The following ST18 variants were observed in gnomAD, a reference collection of about 807,000 sequenced individuals.
The protein encoded by ST18 is ST18 C2H2C-type zinc finger transcription factor.
A neutral mutation model predicts 110.0 loss-of-function variants in ST18; 50 were observed. The ratio of observed to expected loss-of-function variants is 0.45; its 90% CI spans 0.36 to 0.58. The LOEUF (loss-of-function observed/expected upper bound fraction) is 0.58, where lower values mean the gene tolerates loss of function less well. ST18 is among the 20% of genes least tolerant of loss of function. ST18 has a pLI of 0.00. For missense variants in ST18, 1,306 were observed against 1,280.1 expected (o/e 1.02, Z -0.31); for synonymous variants, 461 against 452.4 (o/e 1.02, Z -0.24).
At chr8:52,183,343 A>T (rs1388465153) in intron 8 of ST18, among the ~76,000 whole-genome samples, 1 of 152,228 alleles carries the variant, frequency 6.6e-6, no homozygotes, top group Non-Finnish European at 1.5e-5. Context: ...CAAAATGTCC[A>T]TAGCCTGGGG....
chr8:52,362,274 G>C (rs1346721705), intron 2 of ST18, among the ~76,000 whole-genome samples: 1 of 152,100 alleles, frequency 6.6e-6, no homozygotes, highest in Non-Finnish European at 1.5e-5. Context: ...AATAATGTAA[G>C]CTACCATATT....
chr8:52,161,380 G>A lies in ST18; in HGVS notation c.1589C>T (p.Pro530Leu). Residue 530 changes from proline (P) to leucine (L), a missense_variant, in exon 14 of 26, where the codon CCT becomes CTT. Transcript: ENST00000689386. ...TVQGRKTPPF[P>L]ESKHFPNPVK... is the part of the protein sequence containing the mutation. ...CATTAGAGCTCAAAGCTTACATTCAGGAAATGGTGGTGTTTTTCGTCCTTG... is the reference window on the plus strand; with the variant it reads ...CATTAGAGCTCAAAGCTTACATTCAAGAAATGGTGGTGTTTTTCGTCCTTG... 6.2e-7 allele frequency: 1 copy of A among 1,613,534 alleles called. No homozygotes were observed. The highest frequency in any genetic ancestry group is 8.5e-7 in the Non-Finnish European group (1 of 1,179,614).
At chr8:52,234,901 G>A (rs2092380778) in intron 2 of ST18, among the ~76,000 whole-genome samples, 1 of 152,078 alleles carries the variant, frequency 6.6e-6, no homozygotes, top group South Asian at 2.1e-4. Context: ...ACATGTAAGT[G>A]GGAGCTAAGG....
At chr8:52,152,392 C>T (rs2059034426) in intron 15 of ST18, among the ~76,000 whole-genome samples, 1 of 152,166 alleles carries the variant, frequency 6.6e-6, no homozygotes, top group African/African-American at 2.4e-5. Context: ...GCATCCCCCA[C>T]CCCCTCAATC....
intron 2 of ST18, among the ~76,000 whole-genome samples, chr8:52,400,891 A>T (rs1436044406): frequency 1.3e-5 from 2 of 152,140 alleles, no homozygotes; most frequent in South Asian, 2.1e-4. Context: ...TCTGAATTTG[A>T]CAATAAATGT....
chr8:52,303,393 T>C (rs2095760805), intron 2 of ST18, among the ~76,000 whole-genome samples: 1 of 152,278 alleles, frequency 6.6e-6, no homozygotes, highest in Non-Finnish European at 1.5e-5. Flanking sequence ...AGTTATTGGA[T>C]TTAAGATCAC....
chr8:52,394,846 T>C (rs537506339), intron 2 of ST18, among the ~76,000 whole-genome samples: 6 of 152,204 alleles, frequency 3.9e-5, no homozygotes, highest in Non-Finnish European at 7.3e-5. Context: ...AATTTTACCT[T>C]TTTCAAAACC....
At chr8:52,300,820 C>A (rs996276141) in intron 2 of ST18, among the ~76,000 whole-genome samples, 10 of 152,054 alleles carry the variant, frequency 6.6e-5, no homozygotes, top group Non-Finnish European at 1.0e-4. Flanking sequence ...TACTCCTGGC[C>A]CTTTACAGAA....
chr8:52,245,401 T>C (rs1046701729), intron 2 of ST18, among the ~76,000 whole-genome samples: 1 of 152,158 alleles, frequency 6.6e-6, no homozygotes, highest in South Asian at 2.1e-4. Flanking sequence ...CAAACATGAA[T>C]TCACTCATAT....
intron 2 of ST18, among the ~76,000 whole-genome samples, chr8:52,342,463 T>C (rs549420622): frequency 6.6e-6 from 1 of 152,344 alleles, no homozygotes; most frequent in South Asian, 2.1e-4. Context: ...CAACAAACAT[T>C]ATGGTTTATG....
intron 7 of ST18, among the ~76,000 whole-genome samples, chr8:52,213,030 A>G (rs1271585703): frequency 6.6e-6 from 1 of 152,224 alleles, no homozygotes; most frequent in East Asian, 1.9e-4. Context: ...TATCCTATTG[A>G]GAAGTTTGCT....
In ST18 at chr8:52,131,864, A is replaced by G. The variant is rs1409039296; in HGVS notation, c.2666+94T>C. Reference sequence around the variant, plus strand: ...GACATCTCAACTGCTACAGTGAACAACCTTTAGGGGGTTGTTCACAACCCT... The same window carrying G: ...GACATCTCAACTGCTACAGTGAACAGCCTTTAGGGGGTTGTTCACAACCCT... On this transcript the variant is annotated intron_variant, in intron 22 of 25. Transcript: ENST00000689386. 3 of 1,175,036 alleles carry G rather than the reference A, an allele frequency of 2.6e-6. No homozygotes were observed. In the African/African-American group the frequency reaches 4.6e-5, roughly 18 times the overall value. The allele number at this position is 1,175,036 out of a possible 1,614,324, so 72.8% of individuals were successfully genotyped here.
intron 2 of ST18, among the ~76,000 whole-genome samples, chr8:52,266,542 T>A (rs1272583510): frequency 2.2e-5 from 3 of 134,124 alleles, no homozygotes; most frequent in Non-Finnish European, 3.1e-5. Flanking sequence ...TTCTGCCACT[T>A]TTTTTTTTTT....
intron 2 of ST18, among the ~76,000 whole-genome samples, chr8:52,303,442 T>C (rs1242884508): frequency 6.6e-6 from 1 of 152,258 alleles, no homozygotes; most frequent in African/African-American, 2.4e-5. Context: ...GGATTACATC[T>C]GCAAAGACTT....
intron 9 of ST18, among the ~76,000 whole-genome samples, chr8:52,172,794 G>A (rs1330054313): frequency 3.3e-5 from 5 of 152,074 alleles, no homozygotes; most frequent in African/African-American, 4.8e-5. Flanking sequence ...CCTCTTAAGA[G>A]AAAACTTAGA....
chr8:52,154,153 T>A (rs1421702800), intron 15 of ST18, among the ~76,000 whole-genome samples: 1 of 152,198 alleles, frequency 6.6e-6, no homozygotes, highest in Non-Finnish European at 1.5e-5. Context: ...AAGACCGTCA[T>A]AACATTTCAC....
At chr8:52,182,877 G>A (rs898333692) in intron 8 of ST18, among the ~76,000 whole-genome samples, 1 of 151,996 alleles carries the variant, frequency 6.6e-6, no homozygotes, top group Non-Finnish European at 1.5e-5. Context: ...CAGGTGGCAG[G>A]GATGGTTAAT....
At chr8:52,190,053 G>T (rs772440658) in intron 8 of ST18, among the ~76,000 whole-genome samples, 1 of 152,110 alleles carries the variant, frequency 6.6e-6, no homozygotes, top group Non-Finnish European at 1.5e-5. Flanking sequence ...GATTCAAAAT[G>T]CTCCAAAATT....
chr8:52,394,699 C>T (rs1840494611), intron 2 of ST18, among the ~76,000 whole-genome samples: 1 of 152,180 alleles, frequency 6.6e-6, no homozygotes. Flanking sequence ...ACAAAATGAA[C>T]ACTGAGGGCA....
Sources: allele counts gnomAD v4.1 joint callset (sites outside exome capture counted in the v4.1 genomes callset), GRCh38; gene constraint gnomAD v4.1.1; transcripts MANE v1.5; gene names NCBI Gene and HGNC (gene_info 2026-07-23, HGNC 2026-07-21).